Variants in TRAK1 observed in about 807,000 individuals in gnomAD.
TRAK1 encodes trafficking kinesin-binding protein 1.
In TRAK1, 33 loss-of-function variants were observed where a neutral mutation model predicts 92.1. The observed-to-expected ratio is 0.36, with a 90% confidence interval of 0.27 to 0.48. The LOEUF (loss-of-function observed/expected upper bound fraction) is 0.48, where lower values mean the gene tolerates loss of function less well. TRAK1 is among the 20% of genes least tolerant of loss of function. The probability of loss-of-function intolerance (pLI) is 0.99; values close to 1 mark genes in which losing one functional copy is unlikely to be tolerated. For missense variants in TRAK1, 1,123 were observed against 1,257.9 expected, an observed-to-expected ratio of 0.89 and a Z score of 1.62; for synonymous variants, 521 against 517.3, an observed-to-expected ratio of 1.01 and a Z score of -0.10.
intron 2 of TRAK1, among the ~76,000 whole-genome samples, chr3:42,163,394 C>G (rs1429596459): frequency 6.6e-6 from 1 of 152,024 alleles, no homozygotes; most frequent in Non-Finnish European, 1.5e-5. Context: ...GATGGTGAAC[C>G]CCTGTCTCTA....
chr3:42,024,139 A>G (rs1353671354), intron 1 of TRAK1, among the ~76,000 whole-genome samples: 2 of 152,076 alleles, frequency 1.3e-5, no homozygotes, highest in African/African-American at 2.4e-5. Context: ...GTTTGAGGCA[A>G]GGGTTTGGGG....
intron 10 of TRAK1, among the ~76,000 whole-genome samples, chr3:42,198,241 G>C (rs192218301): frequency 1.3e-3 from 196 of 152,264 alleles, no homozygotes; most frequent in African/African-American, 4.6e-3. Flanking sequence ...ACAGGAGAGG[G>C]GACATCCATC....
intron 2 of TRAK1, chr3:42,151,506 T>C: frequency 8.6e-6 from 3 of 349,078 alleles, no homozygotes; most frequent in South Asian, 6.7e-5. Context: ...TACTTGTCCT[T>C]TATCATCTAT....
At chr3:42,148,357 C>A (rs530056548) in intron 2 of TRAK1, among the ~76,000 whole-genome samples, 1 of 152,258 alleles carries the variant, frequency 6.6e-6, no homozygotes, top group African/African-American at 2.4e-5. Context: ...TTGAGAGACC[C>A]TGCTTTAGGG....
At chr3:42,130,318 GAA>G (rs35970859) in intron 2 of TRAK1, among the ~76,000 whole-genome samples, 69 of 146,150 alleles carry the variant, frequency 4.7e-4, no homozygotes, top group African/African-American at 7.0e-4. Context: ...TTGATTGAGG[GAA>G]AAAAAAAAAA....
Position 42,223,632 on chromosome 3 carries a change from C to T in TRAK1, c.2757C>T (p.Ser919=). ...ATAGTGGCATCCGGCGGAATCGCAG[C>T]TTCCCCACCATGGTGGGATCTAGCA... ...QLNSGIRRNR[S]FPTMVGSSMQ... is the part of the protein sequence containing the mutation. Residue 919 remains serine, a synonymous_variant, in exon 16 of 16, where the codon AGC becomes AGT. Transcript: ENST00000327628. This position sits in a 1 kb window ranked among gnomAD's most constrained non-coding sequence, Gnocchi z 6.1. 6.2e-7 allele frequency: 1 copy of T among 1,614,076 alleles called. No homozygotes were observed.
intron 4 of TRAK1, among the ~76,000 whole-genome samples, chr3:42,185,718 C>G (rs1327860060): frequency 7.0e-6 from 1 of 143,332 alleles, no homozygotes; most frequent in Non-Finnish European, 1.5e-5. Context: ...GTCATTCAGG[C>G]TGGAGTGCAG....
At chr3:42,154,700 G>A (rs1175171864) in intron 2 of TRAK1, among the ~76,000 whole-genome samples, 1 of 152,150 alleles carries the variant, frequency 6.6e-6, no homozygotes, top group East Asian at 1.9e-4. Flanking sequence ...CAAAGTGCTG[G>A]GATTACAGGT....
At chr3:42,160,549 C>T in intron 2 of TRAK1, 3 of 1,281,778 alleles carry the variant, frequency 2.3e-6, no homozygotes, top group Non-Finnish European at 3.3e-6. Context: ...TTGCTGATTT[C>T]ATAGCACTGT....
chr3:42,105,990 G>A (rs1382624210), intron 1 of TRAK1, among the ~76,000 whole-genome samples: 2 of 152,118 alleles, frequency 1.3e-5, no homozygotes, highest in Non-Finnish European at 2.9e-5. Flanking sequence ...GTCACCACCA[G>A]GCCTGCCTTA....
intron 1 of TRAK1, among the ~76,000 whole-genome samples, chr3:42,117,495 T>C (rs1157945731): frequency 1.3e-5 from 2 of 152,004 alleles, no homozygotes; most frequent in Non-Finnish European, 2.9e-5. Flanking sequence ...CCTCTTTCTC[T>C]CTCCTGTCTT....
chr3:42,157,235 G>C (rs1049415425), intron 2 of TRAK1, among the ~76,000 whole-genome samples: 1 of 151,696 alleles, frequency 6.6e-6, no homozygotes, highest in African/African-American at 2.4e-5. Flanking sequence ...GAAGTGGGTG[G>C]ATTGCTTGAG....
At chr3:42,148,230 G>T (rs1034604902) in intron 2 of TRAK1, among the ~76,000 whole-genome samples, 1 of 152,170 alleles carries the variant, frequency 6.6e-6, no homozygotes, top group Non-Finnish European at 1.5e-5. Flanking sequence ...GGGGTGGAGG[G>T]TAGTGCTACC....
chr3:42,172,288 G>A (rs778145659), intron 2 of TRAK1, among the ~76,000 whole-genome samples: 5 of 152,150 alleles, frequency 3.3e-5, no homozygotes, highest in Admixed American at 6.5e-5. Context: ...TGGGGGCACC[G>A]CATCTTGCCT....
At chr3:42,217,669 T>C (rs1305336050) in intron 14 of TRAK1, 1 of 985,318 alleles carries the variant, frequency 1.0e-6, no homozygotes, top group East Asian at 1.1e-4. Flanking sequence ...CTTTTAAATG[T>C]TATCTCTCTT....
rs568278477 is a variant in TRAK1, at chr3:42,017,393, T to A, written c.-519+3276T>A. 3.3e-5 allele frequency among the ~76,000 whole-genome samples: 5 copies of A among 152,036 alleles called. No individual in the cohort carries two copies. The South Asian group carries it at 6.2e-4, about 19-fold the overall frequency. On this transcript the variant is annotated intron_variant, in intron 1 of 16. Coordinates refer to the TRAK1 transcript ENST00000487159. ...AAGATGGAGATAGAACCCAAGGGCTTATGTGGGTTCTTAGGTTTTATTTTA... is the reference window on the plus strand; with the variant it reads ...AAGATGGAGATAGAACCCAAGGGCTAATGTGGGTTCTTAGGTTTTATTTTA...
intron 1 of TRAK1, among the ~76,000 whole-genome samples, chr3:42,027,736 C>T (rs1701973730): frequency 6.6e-6 from 1 of 152,072 alleles, no homozygotes; most frequent in Non-Finnish European, 1.5e-5. Context: ...ATGTTTATTT[C>T]CCTGCGAATT....
intron 13 of TRAK1, chr3:42,203,479 C>G: frequency 6.2e-6 from 6 of 974,834 alleles, no homozygotes; most frequent in Non-Finnish European, 7.2e-6. Flanking sequence ...CTCTCTCCCT[C>G]TTGCCCTCCT....
intron 14 of TRAK1, chr3:42,217,297 G>A (rs148664355): frequency 6.1e-6 from 6 of 985,272 alleles, no homozygotes; most frequent in South Asian, 4.7e-5. Flanking sequence ...GAGAGCCCAC[G>A]GGTCCAGGCG....
Sources: gnomAD v4.1 joint callset for allele counts (sites outside exome capture counted in the v4.1 genomes callset) on GRCh38, gnomAD v4.1.1 for gene constraint, Gnocchi (gnomAD v3.1) non-coding constraint, MANE v1.5 for transcripts, NCBI Gene and HGNC (gene_info 2026-07-23, HGNC 2026-07-21) for gene names.